The following XRCC2 variants were observed in gnomAD, a reference collection of about 807,000 sequenced individuals.
The protein encoded by XRCC2 is X-ray repair cross complementing 2, also known as DNA repair protein XRCC2.
A neutral mutation model predicts 27.3 loss-of-function variants in XRCC2; 24 were observed. The observed-to-expected ratio is 0.88, with a 90% CI of 0.64 to 1.24. XRCC2 has a LOEUF of 1.24. Among genes scored for constraint, XRCC2 ranks in the 50% most tolerant of loss-of-function variants. The pLI, the probability that XRCC2 is intolerant of heterozygous loss-of-function variation, is 0.00. For missense variants in XRCC2, 321 were observed against 325.8 expected, an observed-to-expected ratio of 0.99 and a Z score of 0.11; for synonymous variants, 106 against 115.4, an observed-to-expected ratio of 0.92 and a Z score of 0.52.
At chr7:152,652,179 GAA>G (rs11309976) in intron 2 of XRCC2, among the ~76,000 whole-genome samples, 4 of 146,318 alleles carry the variant, frequency 2.7e-5, no homozygotes, top group Non-Finnish European at 6.0e-5. Context: ...GAAAAGAAAA[GAA>G]AAAAAAAAAG....
Position 152,648,745 on chromosome 7 carries a change from G to C in XRCC2, c.740C>G (p.Ser247Cys). The C allele has an allele frequency of 1.2e-6, 2 of 1,614,140 alleles. No homozygotes were observed. The highest frequency in any genetic ancestry group is 1.6e-4 in the Middle Eastern group (1 of 6,062). The change falls in exon 3 of 3, where the codon TCT (serine) becomes TGT (cysteine). Residue 247 changes from serine to cysteine, a missense_variant. Transcript: ENST00000359321. ...HRMFFSKQDD[S>C]QSSNQFSLVS... ...TAATGAAAATTGGTTGCTGCTTTGAGAATCATCTTGTTTGGAGAAAAACAT... is the reference window on the plus strand; with the variant it reads ...TAATGAAAATTGGTTGCTGCTTTGACAATCATCTTGTTTGGAGAAAAACAT...
intron 1 of XRCC2, among the ~76,000 whole-genome samples, chr7:152,667,533 G>C (rs1293061429): frequency 6.6e-6 from 1 of 151,406 alleles, no homozygotes; most frequent in Non-Finnish European, 1.5e-5. Context: ...ACTTTCCACT[G>C]TTACTTAGAA....
At chr7:152,650,999 G>C (rs1167852766) in intron 2 of XRCC2, among the ~76,000 whole-genome samples, 1 of 152,056 alleles carries the variant, frequency 6.6e-6, no homozygotes, top group Non-Finnish European at 1.5e-5. Flanking sequence ...GAGTGCAGTG[G>C]TTCAATCTTG....
chr7:152,675,835 C>T (rs892418426), intron 1 of XRCC2, among the ~76,000 whole-genome samples: 7 of 152,096 alleles, frequency 4.6e-5, no homozygotes, highest in African/African-American at 1.7e-4. Context: ...TCGGAGGACT[C>T]CAGGCTGCCC....
chr7:152,674,112 T>C (rs1320840324), intron 1 of XRCC2, among the ~76,000 whole-genome samples: 1 of 152,106 alleles, frequency 6.6e-6, no homozygotes, highest in East Asian at 1.9e-4. Flanking sequence ...GCCAATTGCC[T>C]AGCTTCCTAT....
At chr7:152,675,873 G>A (rs2098040825) in intron 1 of XRCC2, among the ~76,000 whole-genome samples, 168 bp downstream of exon 1, 1 of 152,274 alleles carries the variant, frequency 6.6e-6, no homozygotes, top group South Asian at 2.1e-4. Context: ...GCCCAGGTGA[G>A]AGGTGGCAGA....
At position 152,647,364 on chromosome 7, in the gene XRCC2, CTT is replaced by C. The variant is rs2098026478; in HGVS notation, c.*1276_*1277del. ...ATTCTGTAAGCTGTCTGTTTACTCTCTTGATAGTTTCTTTTGCTGTGCAGCTC... is the reference window on the plus strand; with the variant it reads ...ATTCTGTAAGCTGTCTGTTTACTCTCGATAGTTTCTTTTGCTGTGCAGCTC... On this transcript the variant is annotated 3_prime_UTR_variant, in exon 3 of 3. Coordinates refer to ENST00000359321, the MANE Select transcript of XRCC2 (RefSeq NM_005431.2). 6.6e-6 allele frequency: 1 copy of C among 152,202 alleles called. No homozygotes were observed. Among genetic ancestry groups the C allele is most frequent in the Non-Finnish European group, 1.5e-5 (1 of 68,000 alleles). 9.4% of individuals were successfully genotyped at this position (152,202 alleles called of 1,614,324 possible).
At chr7:152,659,197 T>C (rs1177272711) in intron 2 of XRCC2, among the ~76,000 whole-genome samples, 1 of 152,166 alleles carries the variant, frequency 6.6e-6, no homozygotes, top group African/African-American at 2.4e-5. Flanking sequence ...AAGAAGAACA[T>C]TTTATAATGA....
chr7:152,658,050 C>T (rs1036184311), intron 2 of XRCC2, among the ~76,000 whole-genome samples: 18 of 151,456 alleles, frequency 1.2e-4, no homozygotes, highest in African/African-American at 4.4e-4. Context: ...ATTGCAACTT[C>T]CACCTCCCAG....
rs1554413333 is a variant in XRCC2, at chr7:152,674,711, A to AAAAATATATTT, written c.39+1329_39+1330insAAATATATTTT. On this transcript the variant is annotated intron_variant, in intron 1 of 2. Coordinates refer to ENST00000359321, the MANE Select transcript of XRCC2 (RefSeq NM_005431.2). ...TATATTTTTAAATATATATTTATAT[A>AAAAATATATTT]ATATATTTTTAAATATATATTATAT... 1.1e-3 allele frequency among the ~76,000 whole-genome samples: 3 copies of AAAAATATATTT among 2,742 alleles called. 1 individual carries two copies. Among genetic ancestry groups the AAAAATATATTT allele is most frequent in the South Asian group, 0.011 (1 of 90 alleles). The allele number at this position is 2,742 out of a possible 152,430, so 1.8% of individuals were successfully genotyped here.
chr7:152,653,264 G>A (rs3218514), intron 2 of XRCC2, among the ~76,000 whole-genome samples: 90 of 152,158 alleles, frequency 5.9e-4, no homozygotes, highest in African/African-American at 2.1e-3. Flanking sequence ...CTTGCCTTCT[G>A]CAATGATTGT....
intron 2 of XRCC2, among the ~76,000 whole-genome samples, chr7:152,655,029 G>A (rs750153017): frequency 9.9e-5 from 15 of 152,226 alleles, no homozygotes; most frequent in Admixed American, 5.9e-4. Context: ...TGAAGTCACC[G>A]TCTCATATGT....
intron 1 of XRCC2, among the ~76,000 whole-genome samples, chr7:152,669,306 T>C (rs946753224): frequency 2.6e-5 from 4 of 152,222 alleles, no homozygotes; most frequent in African/African-American, 7.2e-5. Flanking sequence ...ATTCCTTTAG[T>C]TGAAACTTGA....
At chr7:152,668,831 A>G (rs2098037025) in intron 1 of XRCC2, among the ~76,000 whole-genome samples, 1 of 152,224 alleles carries the variant, frequency 6.6e-6, no homozygotes, top group Non-Finnish European at 1.5e-5. Context: ...TAGCTATCTA[A>G]TAATAGTTAT....
chr7:152,665,510 T>TTTTTTAA (rs869122513), intron 1 of XRCC2, among the ~76,000 whole-genome samples: 1 of 143,612 alleles, frequency 7.0e-6, no homozygotes, highest in East Asian at 2.1e-4. Flanking sequence ...TTTTTTTTTT[T>TTTTTTAA]AGACAGGGTC....
rs1404551711 is a variant in XRCC2 at position 152,644,898 on chromosome 7, AAC to A, written c.*3742_*3743del. The A allele has an allele frequency of 3.9e-5, 6 of 152,238 alleles. No individual in the cohort carries two copies. The highest frequency in any genetic ancestry group is 1.4e-4 in the African/African-American group (6 of 41,466). The allele number at this position is 152,238 out of a possible 1,614,324, so 9.4% of individuals were successfully genotyped here. A position where few individuals can be genotyped will look rare whatever the true frequency, so the allele number is the denominator to read the frequency against. ...TACACGTGATGTTAACATCGTTCTC[AAC>A]AGTTAGCCGAAGATTCATTCGATGA... On this transcript the variant is annotated 3_prime_UTR_variant, in exon 3 of 3. Transcript: ENST00000359321.
At chr7:152,667,403 C>G (rs2098036275) in intron 1 of XRCC2, among the ~76,000 whole-genome samples, 1 of 34,280 alleles carries the variant, frequency 2.9e-5, no homozygotes, top group South Asian at 1.0e-3. Flanking sequence ...AAAACTCCGT[C>G]TCAAAAAAAA....
intron 1 of XRCC2, among the ~76,000 whole-genome samples, chr7:152,672,992 C>A (rs2098038754): frequency 6.6e-6 from 1 of 152,112 alleles, no homozygotes. Context: ...CTGCCCAAAT[C>A]ACTGGATCTT....
At chr7:152,665,487 CTTTTTTTTTT>C (rs66692067) in intron 1 of XRCC2, among the ~76,000 whole-genome samples, 1 of 84,328 alleles carries the variant, frequency 1.2e-5, no homozygotes, top group African/African-American at 4.4e-5. Context: ...TAAGACAAAC[CTTTTTTTTTT>C]TTTTTTTTTT....
Sources: gnomAD v4.1 joint callset for allele counts (sites outside exome capture counted in the v4.1 genomes callset) on GRCh38, gnomAD v4.1.1 for gene constraint, MANE v1.5 for transcripts, NCBI Gene and HGNC (gene_info 2026-07-23, HGNC 2026-07-21) for gene names.